Variants in CYP4Z1 observed in about 807,000 individuals in gnomAD.
CYP4Z1 encodes cytochrome P450 4Z1.
A neutral mutation model predicts 54.2 loss-of-function variants in CYP4Z1; 41 were observed. That is an observed-to-expected ratio of 0.76 (90% CI 0.59 to 0.98). CYP4Z1 has a LOEUF of 0.98. CYP4Z1 is among the 50% of genes least tolerant of loss of function. The pLI, the probability that CYP4Z1 is intolerant of heterozygous loss-of-function variation, is 0.00. For synonymous variants in CYP4Z1, 163 were observed against 206.2 expected, an observed-to-expected ratio of 0.79 and a Z score of 1.79; for missense variants, 513 against 599.0, an observed-to-expected ratio of 0.86 and a Z score of 1.50.
intron 2 of CYP4Z1, 108 bp downstream of exon 2, chr1:47,068,871 A>G: frequency 7.1e-7 from 1 of 1,413,234 alleles, no homozygotes; most frequent in Non-Finnish European, 9.6e-7. Context: ...GAAATCCATC[A>G]TTTGATATGT....
At chr1:47,101,311 T>A (rs1188207639) in intron 8 of CYP4Z1, among the ~76,000 whole-genome samples, 1 of 150,774 alleles carries the variant, frequency 6.6e-6, no homozygotes, top group Non-Finnish European at 1.5e-5. Context: ...CTTGTTCCTG[T>A]TTTTCTACTT....
intron 6 of CYP4Z1, among the ~76,000 whole-genome samples, chr1:47,092,466 A>C (rs1209752224): frequency 6.6e-6 from 1 of 151,158 alleles, no homozygotes; most frequent in South Asian, 2.1e-4. Flanking sequence ...CGGAATTCTT[A>C]TCTGGCTTCT....
At chr1:47,115,153 G>A (rs78548484) in intron 9 of CYP4Z1, among the ~76,000 whole-genome samples, 9,565 of 152,112 alleles carry the variant, frequency 0.063, 425 homozygotes, top group Non-Finnish European at 0.096. Context: ...GTAGGGACAC[G>A]GATGAAGCTG....
chr1:47,084,663 T>A lies in CYP4Z1; in HGVS notation c.536T>A (p.Leu179His). The stretch of plus-strand genomic sequence containing the variant: ...ATTGCCCAAAACTCACGTCTGGAGC[T>A]CTTTCAACATGTCTCCCTGATGACC... ...EHIAQNSRLE[L>H]FQHVSLMTLD... Residue 179 changes from leucine (L) to histidine (H), a missense_variant, in exon 5 of 12, where the codon CTC becomes CAC. Physicochemically the swap from Leu to His is moderately conservative, Grantham distance 99. Coordinates refer to ENST00000334194, the MANE Select transcript of CYP4Z1 (RefSeq NM_178134.3). 6.2e-7 allele frequency: 1 copy of A among 1,607,634 alleles called. No individual in the cohort carries two copies. The highest frequency in any genetic ancestry group is 8.5e-7 in the Non-Finnish European group (1 of 1,177,670).
chr1:47,085,671 A>G (rs1644587749), intron 6 of CYP4Z1, among the ~76,000 whole-genome samples: 1 of 150,496 alleles, frequency 6.6e-6, no homozygotes, highest in Non-Finnish European at 1.5e-5. Flanking sequence ...TTTGCGGTTT[A>G]TGTCTTTTTT....
chr1:47,101,283 T>C (rs796702118), intron 8 of CYP4Z1, among the ~76,000 whole-genome samples: 5 of 152,142 alleles, frequency 3.3e-5, no homozygotes, highest in African/African-American at 9.6e-5. Flanking sequence ...TCTTTCCTTC[T>C]ACTAATTTGG....
At chr1:47,095,137 T>C (rs1644668580) in intron 7 of CYP4Z1, among the ~76,000 whole-genome samples, 1 of 152,194 alleles carries the variant, frequency 6.6e-6, no homozygotes, top group South Asian at 2.1e-4. Flanking sequence ...TTGTCTGTCT[T>C]TTTCCAAGCC....
intron 4 of CYP4Z1, among the ~76,000 whole-genome samples, chr1:47,083,408 TC>T (rs1644569665): frequency 6.6e-6 from 1 of 152,250 alleles, no homozygotes. Context: ...GCTTATTATA[TC>T]CTTTTATACT....
rs187971227 is a variant in CYP4Z1, at chr1:47,097,626, A to C, written c.877-1468A>C. The stretch of plus-strand genomic sequence containing the variant: ...GAAGATCAGATGATTGTAGGTGTGC[A>C]GTTTTATTTCTGGGTTCCCTATTCT... On this transcript the variant is annotated intron_variant, in intron 7 of 11. Transcript: ENST00000334194. Among the ~76,000 whole-genome samples, 306 of 151,864 alleles carry C rather than the reference A, an allele frequency of 2.0e-3. 2 individuals are homozygous for C. Among genetic ancestry groups the C allele is most frequent in the Non-Finnish European group, 1.8e-4 (12 of 67,910 alleles).
chr1:47,063,690 A>G (rs893811890), upstream of CYP4Z1, among the ~76,000 whole-genome samples: 1 of 152,088 alleles, frequency 6.6e-6, no homozygotes, highest in African/African-American at 2.4e-5. Flanking sequence ...CCCATCAAAG[A>G]CAAAGCAAAA....
intron 6 of CYP4Z1, among the ~76,000 whole-genome samples, chr1:47,087,172 T>C (rs1644602187): frequency 2.0e-5 from 3 of 152,212 alleles, no homozygotes; most frequent in African/African-American, 7.2e-5. Flanking sequence ...GACTTGGCAA[T>C]GAGGGCTCTT....
intron 8 of CYP4Z1, 101 bp from the exon 9 acceptor site, chr1:47,106,027 C>G (rs761722609): frequency 5.6e-6 from 8 of 1,431,320 alleles, no homozygotes; most frequent in Non-Finnish European, 7.6e-6. Context: ...GGGTAAAGAA[C>G]AAAATCATTC....
chr1:47,099,205 T>C lies in CYP4Z1; in HGVS notation c.988T>C (p.Leu330=). 6.2e-7 allele frequency: 1 copy of C among 1,613,986 alleles called. No individual in the cohort carries two copies. The highest frequency in any genetic ancestry group is 1.3e-5 in the African/African-American group (1 of 75,020). Residue 330 remains leucine (L), a synonymous_variant, in exon 8 of 12, where the codon TTG becomes CTG. Transcript: ENST00000334194. ...TGCTATCTCCTGGATCCTTTACTGC[T>C]TGGCAAAGTACCCTGAGCATCAGCA... ...SSAISWILYC[L]AKYPEHQQRC... is the part of the protein sequence containing the mutation.
intron 2 of CYP4Z1, 112 bp downstream of exon 2, chr1:47,068,875 G>C: frequency 7.1e-7 from 1 of 1,399,224 alleles, no homozygotes; most frequent in Non-Finnish European, 9.7e-7. Flanking sequence ...TCCATCATTT[G>C]ATATGTTGAA....
At chr1:47,088,544 C>A (rs955965745) in intron 6 of CYP4Z1, among the ~76,000 whole-genome samples, 3 of 151,382 alleles carry the variant, frequency 2.0e-5, no homozygotes. Flanking sequence ...TGGTGACATC[C>A]CTTTATCATT....
chr1:47,098,187 G>T (rs1043941898), intron 7 of CYP4Z1, among the ~76,000 whole-genome samples: 2 of 152,140 alleles, frequency 1.3e-5, no homozygotes, highest in Non-Finnish European at 2.9e-5. Flanking sequence ...GAACAGCATT[G>T]AATCTATAAA....
chr1:47,085,714 T>C (rs1306974103), intron 6 of CYP4Z1, among the ~76,000 whole-genome samples: 1 of 152,140 alleles, frequency 6.6e-6, no homozygotes, highest in African/African-American at 2.4e-5. Context: ...ATTATTATAC[T>C]TTAAGTTCTA....
intron 9 of CYP4Z1, among the ~76,000 whole-genome samples, chr1:47,114,879 T>A (rs1318923988): frequency 6.6e-6 from 1 of 152,176 alleles, no homozygotes; most frequent in Non-Finnish European, 1.5e-5. Flanking sequence ...ATTGTGGAAG[T>A]CAGTGTGGCG....
rs1644789107 is a variant in CYP4Z1, at chr1:47,111,082, A to C, written c.1202-4447A>C. Among the ~76,000 whole-genome samples, 5 of 152,158 alleles carry C rather than the reference A, an allele frequency of 3.3e-5. No individual in the cohort carries two copies. The South Asian group carries it at 1.0e-3, about 32-fold the overall frequency. On this transcript the variant is annotated intron_variant, in intron 9 of 11. Coordinates refer to ENST00000334194, the MANE Select transcript of CYP4Z1 (RefSeq NM_178134.3). Reference sequence around the variant, plus strand: ...AGTCAGTAAGCTAGCTGGCCATGTCAGGATTGGTGAAGTTCAAAAATTAGT... The same window carrying C: ...AGTCAGTAAGCTAGCTGGCCATGTCCGGATTGGTGAAGTTCAAAAATTAGT...
Sources: allele counts gnomAD v4.1 joint callset (sites outside exome capture counted in the v4.1 genomes callset), GRCh38; gene constraint gnomAD v4.1.1; transcripts MANE v1.5; gene names NCBI Gene and HGNC (gene_info 2026-07-23, HGNC 2026-07-21).